Variants in KHDRBS3 observed in about 807,000 individuals in gnomAD.
KHDRBS3 encodes the protein KH domain-containing, RNA-binding, signal transduction-associated protein 3.
In KHDRBS3, 23 loss-of-function variants were observed where a neutral mutation model predicts 45.6. The observed-to-expected ratio is 0.50, with a 90% confidence interval of 0.36 to 0.72. The LOEUF (loss-of-function observed/expected upper bound fraction) is 0.72, where lower values mean the gene tolerates loss of function less well. KHDRBS3 is among the 30% of genes least tolerant of loss of function. KHDRBS3 has a pLI of 0.00. For missense variants in KHDRBS3, 352 were observed against 424.8 expected (o/e 0.83, Z 1.51); for synonymous variants, 162 against 156.5 (o/e 1.04, Z -0.26).
At chr8:135,635,932 A>G (rs1374772297) in intron 7 of KHDRBS3, among the ~76,000 whole-genome samples, 1 of 152,176 alleles carries the variant, frequency 6.6e-6, no homozygotes, top group African/African-American at 2.4e-5. Context: ...AGAGATAAGT[A>G]TTGACTTGAC....
chr8:135,564,409 TATAAA>T (rs1827304364), intron 5 of KHDRBS3, among the ~76,000 whole-genome samples: 1 of 152,226 alleles, frequency 6.6e-6, no homozygotes, highest in South Asian at 2.1e-4. Flanking sequence ...TGATACATCT[TATAAA>T]ATAATGTGTA....
At chr8:135,588,383 C>G (rs1210906373) in intron 6 of KHDRBS3, among the ~76,000 whole-genome samples, 2 of 152,162 alleles carry the variant, frequency 1.3e-5, no homozygotes, top group Non-Finnish European at 2.9e-5. Context: ...ACCTCTGTGT[C>G]CTCACCCAGC....
intron 2 of KHDRBS3, among the ~76,000 whole-genome samples, chr8:135,528,500 AT>A (rs147266079): frequency 0.011 from 1,724 of 152,204 alleles, 29 homozygotes; most frequent in African/African-American, 0.037. Context: ...GAGACATAAT[AT>A]TTTTTCAGAT....
intron 1 of KHDRBS3, among the ~76,000 whole-genome samples, chr8:135,469,177 TTTTC>T (rs1167494767): frequency 6.6e-6 from 1 of 152,104 alleles, no homozygotes; most frequent in Non-Finnish European, 1.5e-5. Flanking sequence ...TTCTTCACAG[TTTTC>T]TTTATGTAAT....
intron 1 of KHDRBS3, among the ~76,000 whole-genome samples, chr8:135,519,884 T>C (rs1319893405): frequency 4.6e-5 from 7 of 152,224 alleles, no homozygotes; most frequent in Non-Finnish European, 1.0e-4. Flanking sequence ...GTTTCAGTGG[T>C]GACAGAAGCC....
chr8:135,547,392 G>A (rs1035245271), intron 3 of KHDRBS3, among the ~76,000 whole-genome samples: 3 of 152,094 alleles, frequency 2.0e-5, no homozygotes, highest in Admixed American at 2.0e-4. Context: ...GCTGTGCCTT[G>A]TATTCTCAGT....
At chr8:135,618,338 T>G (rs904998879) in intron 7 of KHDRBS3, among the ~76,000 whole-genome samples, 1 of 152,184 alleles carries the variant, frequency 6.6e-6, no homozygotes, top group Non-Finnish European at 1.5e-5. Flanking sequence ...ACCTGTTGGA[T>G]AGATAGTAAT....
At chr8:135,565,979 A>G (rs2130866049) in intron 5 of KHDRBS3, among the ~76,000 whole-genome samples, 1 of 152,318 alleles carries the variant, frequency 6.6e-6, no homozygotes, top group Admixed American at 6.5e-5. Flanking sequence ...ATTTGGTTTA[A>G]GCTTATGTTG....
At chr8:135,645,165 T>C (rs1227429851) in intron 8 of KHDRBS3, 48 bp downstream of exon 8, 1 of 1,574,444 alleles carries the variant, frequency 6.4e-7, no homozygotes, top group East Asian at 2.2e-5. Context: ...GAGATGGCCG[T>C]AGAAAGACCT....
At chr8:135,469,532 T>G (rs1466630915) in intron 1 of KHDRBS3, among the ~76,000 whole-genome samples, 848 of 44,914 alleles carry the variant, frequency 0.019, 28 homozygotes, top group African/African-American at 0.051. Context: ...GGTTTTTTTT[T>G]TTTTTTTTTT....
intron 7 of KHDRBS3, chr8:135,625,386 T>G (rs1279204953): frequency 2.4e-6 from 2 of 823,630 alleles, no homozygotes; most frequent in African/African-American, 3.4e-5. Flanking sequence ...TTCAATACAT[T>G]GAGTGCTGCA....
At chr8:135,531,555 T>C (rs1434051801) in intron 2 of KHDRBS3, among the ~76,000 whole-genome samples, 1 of 152,138 alleles carries the variant, frequency 6.6e-6, no homozygotes, top group Non-Finnish European at 1.5e-5. Flanking sequence ...TCCTACTTGC[T>C]CTCAAATAAT....
chr8:135,591,903 A>C (rs987907838), intron 6 of KHDRBS3, among the ~76,000 whole-genome samples: 3 of 152,210 alleles, frequency 2.0e-5, no homozygotes, highest in Non-Finnish European at 2.9e-5. Flanking sequence ...AACTAATCTC[A>C]AAACTGCTTC....
At chr8:135,619,320 G>A (rs970454579) in intron 7 of KHDRBS3, among the ~76,000 whole-genome samples, 1 of 151,908 alleles carries the variant, frequency 6.6e-6, no homozygotes, top group Non-Finnish European at 1.5e-5. Context: ...TTTATCAAAA[G>A]TATTGGATAT....
rs568219233 is a variant in KHDRBS3 at position 135,606,255 on chromosome 8, G to A, written c.808-700G>A. The stretch of plus-strand genomic sequence containing the variant: ...GGATATGGCACTGTGCATGGTCCCG[G>A]CCTTCTAGATTGCCAGGAATAATTC... On this transcript the variant is annotated intron_variant, in intron 6 of 8. Transcript: ENST00000355849. Among the ~76,000 whole-genome samples, 11 of 152,026 alleles carry A rather than the reference G, an allele frequency of 7.2e-5. No individual in the cohort carries two copies. In the South Asian group the frequency reaches 2.3e-3, roughly 32 times the overall value.
chr8:135,565,033 A>G (rs1827342026), intron 5 of KHDRBS3, among the ~76,000 whole-genome samples: 1 of 152,098 alleles, frequency 6.6e-6, no homozygotes, highest in Admixed American at 6.6e-5. Flanking sequence ...AGTGCTGCAG[A>G]GCGTAGGGGC....
chr8:135,537,125 C>T (rs1412563165), intron 2 of KHDRBS3, among the ~76,000 whole-genome samples: 1 of 152,062 alleles, frequency 6.6e-6, no homozygotes, highest in Non-Finnish European at 1.5e-5. Flanking sequence ...TGCCCTCGTG[C>T]AGTAGGTGGC....
chr8:135,634,992 T>G (rs1830750379), intron 7 of KHDRBS3, among the ~76,000 whole-genome samples: 2 of 152,216 alleles, frequency 1.3e-5, no homozygotes, highest in South Asian at 2.1e-4. Context: ...TTCATACTCT[T>G]AAAAACTAGT....
Position 135,625,897 on chromosome 8 carries a change from G to C in KHDRBS3, c.890+18860G>C, listed in dbSNP as rs1229256218. 17 of 775,488 alleles carry C rather than the reference G, an allele frequency of 2.2e-5. No individual in the cohort carries two copies. In the Admixed American group the frequency reaches 2.9e-4, roughly 13 times the overall value. The allele number at this position is 775,488 out of a possible 1,614,324, so 48.0% of individuals were successfully genotyped here. Reference sequence around the variant, plus strand: ...TGTTCGATCTTTGTCACGTTCAACTGCAGAGACTAATTGATCCAGGCCAGC... The same window carrying C: ...TGTTCGATCTTTGTCACGTTCAACTCCAGAGACTAATTGATCCAGGCCAGC... On this transcript the variant is annotated intron_variant, in intron 7 of 8. Transcript: ENST00000355849.
Sources: allele counts gnomAD v4.1 joint callset (sites outside exome capture counted in the v4.1 genomes callset), GRCh38; gene constraint gnomAD v4.1.1; transcripts MANE v1.5; gene names NCBI Gene and HGNC (gene_info 2026-07-23, HGNC 2026-07-21).